The following APBB2 variants were observed in gnomAD, a reference collection of about 807,000 sequenced individuals.
APBB2 encodes the protein Fe65-like 1.
Under a neutral mutation model 82.5 loss-of-function variants are expected in APBB2, and 38 were observed. The observed-to-expected ratio is 0.46, with a 90% confidence interval of 0.36 to 0.60. The LOEUF (loss-of-function observed/expected upper bound fraction) is 0.60. Ranked by LOEUF, APBB2 falls within the 20% of genes least tolerant of loss-of-function variation. The probability of loss-of-function intolerance (pLI) is 0.00; values close to 1 mark genes in which losing one functional copy is unlikely to be tolerated. For missense variants in APBB2, 772 were observed against 972.3 expected (o/e 0.79, Z 2.74); for synonymous variants, 341 against 368.2 (o/e 0.93, Z 0.85).
At chr4:40,910,616 G>A (rs911157696) in intron 10 of APBB2, among the ~76,000 whole-genome samples, 9 of 152,216 alleles carry the variant, frequency 5.9e-5, no homozygotes, top group Non-Finnish European at 1.0e-4. Flanking sequence ...TCTAAAGGGG[G>A]ATCCTTGAGA....
intron 1 of APBB2, among the ~76,000 whole-genome samples, chr4:41,188,540 G>A (rs554830108): frequency 1.3e-5 from 2 of 152,308 alleles, no homozygotes; most frequent in East Asian, 3.9e-4. Flanking sequence ...GACACAGTGA[G>A]AAGATGGCCA....
At chr4:41,184,708 C>G (rs553793567) in intron 1 of APBB2, among the ~76,000 whole-genome samples, 1 of 152,328 alleles carries the variant, frequency 6.6e-6, no homozygotes, top group Non-Finnish European at 1.5e-5. Flanking sequence ...TGCAGGTAAA[C>G]AGCGTCCATG....
rs547280286 is a variant in APBB2 at position 41,157,354 on chromosome 4, C to T, written c.-416-14212G>A. Among the ~76,000 whole-genome samples, 3 of 152,322 alleles carry T rather than the reference C, an allele frequency of 2.0e-5. No individual in the cohort carries two copies. The South Asian group carries it at 6.2e-4, about 32-fold the overall frequency. On this transcript the variant is annotated intron_variant, in intron 1 of 17. Coordinates refer to ENST00000508593, the MANE Select transcript of APBB2 (RefSeq NM_004307.2). ...AAGCCCCCTTCAAATGACCTTCTAACACTAGGTTGGTGAAGGCCAACAGGC... is the reference window on the plus strand; with the variant it reads ...AAGCCCCCTTCAAATGACCTTCTAATACTAGGTTGGTGAAGGCCAACAGGC...
chr4:40,941,579 G>A (rs1025314380), intron 7 of APBB2, among the ~76,000 whole-genome samples: 6 of 152,166 alleles, frequency 3.9e-5, no homozygotes, highest in African/African-American at 1.4e-4. Flanking sequence ...AATGTAAAAT[G>A]AGAAAGACAA....
chr4:40,978,628 C>T (rs190210347), intron 6 of APBB2, among the ~76,000 whole-genome samples: 400 of 152,240 alleles, frequency 2.6e-3, no homozygotes, highest in Middle Eastern at 6.8e-3. Context: ...CCGTCAATCA[C>T]GAAAAGGGTT....
At chr4:40,891,594 A>G (rs1772030111) in intron 11 of APBB2, among the ~76,000 whole-genome samples, 1 of 152,226 alleles carries the variant, frequency 6.6e-6, no homozygotes, top group Non-Finnish European at 1.5e-5. Context: ...TCAGGGAGGC[A>G]GAAATAGGTA....
At chr4:40,887,759 C>T (rs944597800) in intron 12 of APBB2, among the ~76,000 whole-genome samples, 7 of 152,130 alleles carry the variant, frequency 4.6e-5, no homozygotes, top group African/African-American at 1.4e-4. Flanking sequence ...ATGTGGAACC[C>T]TCCCATGATC....
chr4:40,953,293 T>C (rs1165197654), intron 6 of APBB2, among the ~76,000 whole-genome samples: 3 of 85,438 alleles, frequency 3.5e-5, no homozygotes, highest in African/African-American at 5.1e-5. Flanking sequence ...CAAAACTCCA[T>C]CTCAAAAAAA....
intron 1 of APBB2, among the ~76,000 whole-genome samples, chr4:41,158,338 G>C (rs964882262): frequency 2.0e-5 from 3 of 152,114 alleles, no homozygotes; most frequent in African/African-American, 4.8e-5. Flanking sequence ...CTCAGAAAAG[G>C]ATTCCTATTT....
rs80120363 is a variant in APBB2, at chr4:41,014,404, G to A, written c.20-6C>T. The A allele has an allele frequency of 0.021, 33,155 of 1,593,900 alleles. 753 individuals are homozygous for A. The highest frequency in any genetic ancestry group is 0.13 in the African/African-American group (9,316 of 73,574). On this transcript the variant is annotated splice_region_variant and splice_polypyrimidine_tract_variant and intron_variant, in intron 5 of 17. Coordinates refer to ENST00000508593, the MANE Select transcript of APBB2 (RefSeq NM_004307.2). ...GGTGTCAACACCTGAGTCAGCTGGG[G>A]AAAAAAAAAGTCATTAGACACCTGC...
In APBB2 at chr4:41,013,900, C is replaced by G; in HGVS notation, c.518G>C (p.Arg173Thr). The G allele has an allele frequency of 6.2e-7, 1 of 1,614,162 alleles. No individual in the cohort carries two copies. The highest frequency in any genetic ancestry group is 8.5e-7 in the Non-Finnish European group (1 of 1,180,008). The change falls in exon 6 of 18, where the codon AGA (arginine) becomes ACA (threonine). Residue 173 changes from arginine (R) to threonine (T), a missense_variant. Arg to Thr is a moderately conservative substitution (Grantham distance 71). Coordinates refer to ENST00000508593, the MANE Select transcript of APBB2 (RefSeq NM_004307.2). ...ATTGCCTCGGTTCTGCTCTAGTTCTCTGGCTGAGGTTTCCAGATCTGCATA... is the reference window on the plus strand; with the variant it reads ...ATTGCCTCGGTTCTGCTCTAGTTCTGTGGCTGAGGTTTCCAGATCTGCATA... Reference protein sequence around the residue: ...NYYADLETSARELEQNRGNHH... With the variant: ...NYYADLETSATELEQNRGNHH...
intron 6 of APBB2, among the ~76,000 whole-genome samples, chr4:40,977,095 C>G (rs1578904213): frequency 6.6e-6 from 1 of 151,956 alleles, no homozygotes; most frequent in Admixed American, 6.6e-5. Flanking sequence ...ATGGTTATTA[C>G]TGATACAAAG....
chr4:40,948,890 C>CAAAAAAAAAAA lies in APBB2; in HGVS notation c.836-3828_836-3818dup, dbSNP rs59172492. ...GGTGACAGAAGTGAGATCCTGTCTC[C>CAAAAAAAAAAA]AAAAAAAAAAAAAAAAAAAAAAAAA... On this transcript the variant is annotated intron_variant, in intron 6 of 17. Transcript: ENST00000508593. 2.8e-3 allele frequency among the ~76,000 whole-genome samples: 282 copies of CAAAAAAAAAAA among 101,548 alleles called. 8 individuals carry two copies. The highest frequency in any genetic ancestry group is 0.011 in the African/African-American group (263 of 24,602). The allele number at this position is 101,548 out of a possible 152,430, so 66.6% of individuals were successfully genotyped here. A position where few individuals can be genotyped will look rare whatever the true frequency, so the allele number is the denominator to read the frequency against.
chr4:41,068,465 G>A (rs1347752103), intron 3 of APBB2, among the ~76,000 whole-genome samples: 3 of 152,154 alleles, frequency 2.0e-5, no homozygotes, highest in African/African-American at 7.2e-5. Flanking sequence ...AGTTGGCAAC[G>A]TCTCTTTGTT....
chr4:40,955,237 A>AAGAGAACAGCATTTCTGAAAG (rs1186908354), intron 6 of APBB2, among the ~76,000 whole-genome samples: 14 of 152,204 alleles, frequency 9.2e-5, no homozygotes, highest in African/African-American at 2.4e-4. Context: ...GGGAAGGGAC[A>AAGAGAACAGCATTTCTGAAAG]AGAGAACAGC....
At chr4:41,148,138 C>T (rs534023281) in intron 1 of APBB2, among the ~76,000 whole-genome samples, 11 of 152,142 alleles carry the variant, frequency 7.2e-5, no homozygotes, top group South Asian at 2.1e-4. Flanking sequence ...CTATGAAAAC[C>T]GAAACTGGCA....
Position 40,881,930 on chromosome 4 carries a change from G to GCTGCAGTGTCAC in APBB2, c.1529+8422_1529+8433dup, listed in dbSNP as rs529366760. Reference sequence around the variant, plus strand: ...GAAAGGAAGTCTCCTTGGCACAACGGCTGCAGTGTCACCTGCAGTGTGGTG... The same window carrying GCTGCAGTGTCAC: ...GAAAGGAAGTCTCCTTGGCACAACGGCTGCAGTGTCACCTGCAGTGTCACCTGCAGTGTGGTG... On this transcript the variant is annotated intron_variant, in intron 12 of 17. Transcript: ENST00000508593. 5.5e-3 allele frequency among the ~76,000 whole-genome samples: 841 copies of GCTGCAGTGTCAC among 152,210 alleles called. 10 individuals carry two copies. The highest frequency in any genetic ancestry group is 0.019 in the African/African-American group (802 of 41,530).
chr4:41,190,652 T>C (rs965101808), intron 1 of APBB2, among the ~76,000 whole-genome samples: 1 of 152,160 alleles, frequency 6.6e-6, no homozygotes, highest in Non-Finnish European at 1.5e-5. Flanking sequence ...CACCTTTGTA[T>C]TATTAGGTTT....
intron 5 of APBB2, among the ~76,000 whole-genome samples, chr4:41,024,890 C>T (rs1006330264): frequency 1.3e-5 from 2 of 152,258 alleles, no homozygotes; most frequent in South Asian, 4.1e-4. Flanking sequence ...CAGGAAGAGT[C>T]ACCTGTAATC....
Sources: allele counts gnomAD v4.1 joint callset (sites outside exome capture counted in the v4.1 genomes callset), GRCh38; gene constraint gnomAD v4.1.1; transcripts MANE v1.5; gene names NCBI Gene and HGNC (gene_info 2026-07-23, HGNC 2026-07-21).